Variants in ROBO2 observed in about 807,000 individuals in gnomAD.
The protein encoded by ROBO2 is roundabout homolog 2.
In ROBO2, 53 loss-of-function variants were observed where a neutral mutation model predicts 160.8. The observed-to-expected ratio is 0.33, with a 90% confidence interval of 0.26 to 0.41. The LOEUF (loss-of-function observed/expected upper bound fraction) is 0.41. Ranked by LOEUF, ROBO2 falls within the 10% of genes least tolerant of loss-of-function variation. The pLI is 1.00. For missense variants in ROBO2, 1,577 were observed against 1,722.4 expected, an observed-to-expected ratio of 0.92 and a Z score of 1.49; for synonymous variants, 664 against 611.7, an observed-to-expected ratio of 1.09 and a Z score of -1.26.
intron 20 of ROBO2, among the ~76,000 whole-genome samples, 156 bp from the exon 22 acceptor site, chr3:77,607,642 A>G (rs2094550371): frequency 6.6e-6 from 1 of 152,170 alleles, no homozygotes; most frequent in Non-Finnish European, 1.5e-5. Context: ...GATTTATAAA[A>G]ATGTTTTTCT....
At chr3:77,472,005 G>A (rs1017418003) in intron 2 of ROBO2, among the ~76,000 whole-genome samples, 5 of 152,072 alleles carry the variant, frequency 3.3e-5, no homozygotes, top group African/African-American at 4.8e-5. Context: ...AGGTAGACAG[G>A]GGATCTTTAG....
intron 2 of ROBO2, among the ~76,000 whole-genome samples, chr3:77,215,853 C>G (rs898612264): frequency 6.6e-6 from 1 of 152,140 alleles, no homozygotes; most frequent in Non-Finnish European, 1.5e-5. Context: ...CACTCCAGAC[C>G]CTGTTTGCCT....
At chr3:77,345,477 G>A (rs2067532796) in intron 2 of ROBO2, among the ~76,000 whole-genome samples, 1 of 152,130 alleles carries the variant, frequency 6.6e-6, no homozygotes, top group African/African-American at 2.4e-5. Context: ...AGCTGCCACA[G>A]GGAGAAACAG....
intron 2 of ROBO2, among the ~76,000 whole-genome samples, chr3:76,770,645 G>A (rs556890697): frequency 6.6e-5 from 10 of 151,170 alleles, no homozygotes; most frequent in African/African-American, 1.9e-4. Flanking sequence ...CAAAGGCTAT[G>A]GAGAAACAAA....
chr3:76,429,365 A>G lies in ROBO2; in HGVS notation c.109+491763A>G, dbSNP rs533357034. 2.0e-5 allele frequency among the ~76,000 whole-genome samples: 3 copies of G among 152,330 alleles called. No individual in the cohort carries two copies. The East Asian group carries it at 5.8e-4, about 29-fold the overall frequency. On this transcript the variant is annotated intron_variant, in intron 2 of 26. Transcript: ENST00000487694. ...TAACATTTGTGGAAAACCCATTGTT[A>G]GGGTTGTTATGTGGTTGGAGACAGT... is the stretch of plus-strand genomic sequence containing the variant.
intron 2 of ROBO2, among the ~76,000 whole-genome samples, chr3:76,851,764 A>AAAAAAAAAATATATATATATATATATAT (rs1553659595): frequency 7.3e-6 from 1 of 137,042 alleles, no homozygotes; most frequent in African/African-American, 2.9e-5. Context: ...AAAAAAAAAA[A>AAAAAAAAAATATATATATATATATATAT]ATATTAACAT....
chr3:76,316,493 G>A (rs137947428), intron 2 of ROBO2, among the ~76,000 whole-genome samples: 6,122 of 152,074 alleles, frequency 0.04, 350 homozygotes, highest in African/African-American at 0.12. Flanking sequence ...CCTTATGGTC[G>A]TCTTCCCTTG....
intron 2 of ROBO2, among the ~76,000 whole-genome samples, chr3:76,223,048 C>G (rs141660083): frequency 2.2e-3 from 341 of 151,924 alleles, no homozygotes; most frequent in African/African-American, 7.9e-3. Context: ...CGCCACCGCA[C>G]GCAGCCCTTA....
At position 77,549,393 on chromosome 3, in the gene ROBO2, A is replaced by C. The variant is rs137994035; in HGVS notation, c.1060-1425A>C. Among the ~76,000 whole-genome samples, 530 of 152,144 alleles carry C rather than the reference A, an allele frequency of 3.5e-3. 3 individuals carry two copies. Among genetic ancestry groups the C allele is most frequent in the African/African-American group, 0.012 (501 of 41,556 alleles). On this transcript the variant is annotated intron_variant, in intron 7 of 25. Coordinates refer to ENST00000461745, the Ensembl canonical transcript of ROBO2. ...TCTCTCTTTTAGCTCGTTTATTTTG[A>C]TAATACATTTGGAATCTACAGTAGA...
chr3:76,662,255 C>G (rs948838509), intron 2 of ROBO2, among the ~76,000 whole-genome samples: 12 of 152,114 alleles, frequency 7.9e-5, no homozygotes, highest in African/African-American at 2.9e-4. Context: ...TTGGAAAGCT[C>G]TATTCTGAGG....
intron 2 of ROBO2, among the ~76,000 whole-genome samples, chr3:77,200,134 T>C (rs1236912855): frequency 6.6e-6 from 1 of 150,548 alleles, no homozygotes; most frequent in Non-Finnish European, 1.5e-5. Flanking sequence ...ATCTACTATT[T>C]GAAAGAAGAT....
At chr3:76,731,014 T>G (rs4472053) in intron 2 of ROBO2, among the ~76,000 whole-genome samples, 8,638 of 26,714 alleles carry the variant, frequency 0.32, 2,100 homozygotes, top group African/African-American at 0.42. Context: ...CTACCCGCTT[T>G]TCCTCACCTC....
chr3:76,012,585 G>A (rs931201158), intron 2 of ROBO2, among the ~76,000 whole-genome samples: 10 of 150,778 alleles, frequency 6.6e-5, no homozygotes, highest in African/African-American at 1.5e-4. Flanking sequence ...ATCATGGATC[G>A]TGATGTTTGT....
At chr3:76,632,817 C>T (rs1341889228) in intron 2 of ROBO2, among the ~76,000 whole-genome samples, 1 of 152,168 alleles carries the variant, frequency 6.6e-6, no homozygotes, top group African/African-American at 2.4e-5. Flanking sequence ...ATAACCAACA[C>T]ATTAGAATGA....
chr3:76,275,959 T>A (rs1576222558), intron 2 of ROBO2, among the ~76,000 whole-genome samples: 1 of 152,164 alleles, frequency 6.6e-6, no homozygotes, highest in East Asian at 1.9e-4. Flanking sequence ...TTTTAATGGA[T>A]GTTTTCATTT....
chr3:77,396,567 A>G (rs905139199), intron 2 of ROBO2, among the ~76,000 whole-genome samples: 1 of 152,212 alleles, frequency 6.6e-6, no homozygotes, highest in East Asian at 1.9e-4. Context: ...AACACTTGCA[A>G]TTTTTTGAAG....
intron 2 of ROBO2, among the ~76,000 whole-genome samples, chr3:76,500,223 A>G (rs2080385656): frequency 6.6e-6 from 1 of 152,082 alleles, no homozygotes; most frequent in African/African-American, 2.4e-5. Context: ...GGATCAAGCA[A>G]TCCTACTGCC....
At chr3:77,175,547 A>G (rs576107687) in intron 2 of ROBO2, among the ~76,000 whole-genome samples, 1 of 152,124 alleles carries the variant, frequency 6.6e-6, no homozygotes, top group Admixed American at 6.6e-5. Context: ...GGACAGTTGG[A>G]GGCAGGAAGT....
At chr3:76,591,081 CA>C (rs1214511474) in intron 2 of ROBO2, among the ~76,000 whole-genome samples, 1 of 151,962 alleles carries the variant, frequency 6.6e-6, no homozygotes, top group Non-Finnish European at 1.5e-5. Context: ...TTGACTGCCC[CA>C]AAACTTAACT....
Sources: gnomAD v4.1 joint callset for allele counts (sites outside exome capture counted in the v4.1 genomes callset) on GRCh38, gnomAD v4.1.1 for gene constraint, MANE v1.5 for transcripts, NCBI Gene and HGNC (gene_info 2026-07-23, HGNC 2026-07-21) for gene names.